PACRGL: variants seen among roughly 807,000 people sequenced by gnomAD.
The protein encoded by PACRGL is PACRG-like protein.
Under a neutral mutation model 34.5 loss-of-function variants are expected in PACRGL, and 38 were observed. That is an observed-to-expected ratio of 1.10 (90% CI 0.85 to 1.44). The LOEUF is 1.44. Among genes scored for constraint, PACRGL ranks in the 40% most tolerant of loss-of-function variants. The pLI is 0.00. For synonymous variants in PACRGL, 128 were observed against 100.1 expected (o/e 1.28, Z -1.66); for missense variants, 305 against 281.4 (o/e 1.08, Z -0.60).
At position 20,728,606 on chromosome 4, in the gene PACRGL, TAG is replaced by T. The variant is rs1746744132; in HGVS notation, c.*1268_*1269del. The T allele has an allele frequency of 6.6e-6, 1 of 152,604 alleles. No individual in the cohort carries two copies. Among genetic ancestry groups the T allele is most frequent in the South Asian group, 2.1e-4 (1 of 4,836 alleles). 9.5% of individuals were successfully genotyped at this position (152,604 alleles called of 1,614,324 possible). ...TGGAAAAGACCTGTAACATAGACAG[TAG>T]AGTTATAAACATTTTATTTTGCTTT... On this transcript the variant is annotated 3_prime_UTR_variant, in exon 9 of 9. Transcript: ENST00000503585.
chr4:20,737,457 T>C (rs552667460), downstream of PACRGL, among the ~76,000 whole-genome samples: 4 of 152,278 alleles, frequency 2.6e-5, no homozygotes, highest in African/African-American at 7.2e-5. Context: ...AGAAATGGGC[T>C]GTGCTCTTGA....
intron 7 of PACRGL, among the ~76,000 whole-genome samples, chr4:20,714,048 A>G (rs2149108763): frequency 6.6e-6 from 1 of 152,148 alleles, no homozygotes; most frequent in South Asian, 2.1e-4. Flanking sequence ...ATTCCTGGGT[A>G]TCCTTGTTAA....
chr4:20,705,981 A>G (rs1482953618), intron 3 of PACRGL, among the ~76,000 whole-genome samples: 2 of 150,590 alleles, frequency 1.3e-5, no homozygotes, highest in Non-Finnish European at 2.9e-5. Flanking sequence ...CACTATTGTG[A>G]TTTATGCACA....
intron 4 of PACRGL, 77 bp downstream of exon 4, chr4:20,707,947 T>A (rs1735312375): frequency 1.8e-6 from 2 of 1,142,000 alleles, no homozygotes; most frequent in Non-Finnish European, 2.6e-6. Context: ...TTAGTTTAAA[T>A]GTATTGTAAG....
chr4:20,698,931 T>G (rs923793413), upstream of PACRGL, among the ~76,000 whole-genome samples: 2 of 152,172 alleles, frequency 1.3e-5, no homozygotes, highest in African/African-American at 4.8e-5. Flanking sequence ...AACCCAATAA[T>G]GAAGAGGAAA....
chr4:20,765,078 G>A, the PACRGL span, among the ~76,000 whole-genome samples: 2 of 152,160 alleles, frequency 1.3e-5, no homozygotes, highest in Admixed American at 6.6e-5. Flanking sequence ...TATTCAATAA[G>A]TAGTTATTTA....
Position 20,731,709 on chromosome 4 carries a change from CAT to C in PACRGL, c.*4369_*4370del. On this transcript the variant is annotated 3_prime_UTR_variant, in exon 9 of 9. Transcript: ENST00000503585. ...TTTTGGCAAAGAGCAATTCAAATCT[CAT>C]GTATGTTTTATCCTCCATGAATACT... is the stretch of plus-strand genomic sequence containing the variant. 6 of 985,254 alleles carry C rather than the reference CAT, an allele frequency of 6.1e-6. No homozygotes were observed. Among genetic ancestry groups the C allele is most frequent in the Non-Finnish European group, 7.2e-6 (6 of 829,806 alleles). 61.0% of individuals were successfully genotyped at this position (985,254 alleles called of 1,614,324 possible).
intron 8 of PACRGL, among the ~76,000 whole-genome samples, chr4:20,752,398 G>A (rs528460149): frequency 6.6e-6 from 1 of 152,200 alleles, no homozygotes; most frequent in East Asian, 1.9e-4. Flanking sequence ...GACACTATTT[G>A]CAAAGTGTTT....
chr4:20,712,251 T>C (rs1476756566), intron 5 of PACRGL, among the ~76,000 whole-genome samples: 1 of 151,460 alleles, frequency 6.6e-6, no homozygotes, highest in East Asian at 1.9e-4. Flanking sequence ...TTTTCCTTTT[T>C]CTTATTTTTT....
chr4:20,700,533 CG>C lies in PACRGL; in HGVS notation c.-269del. The C allele has an allele frequency of 6.6e-6, 1 of 152,272 alleles. No individual in the cohort carries two copies. Among genetic ancestry groups the C allele is most frequent in the South Asian group, 2.1e-4 (1 of 4,820 alleles). The allele number at this position is 152,272 out of a possible 1,614,324, so 9.4% of individuals were successfully genotyped here. A position where few individuals can be genotyped will look rare whatever the true frequency, so the allele number is the denominator to read the frequency against. On this transcript the variant is annotated 5_prime_UTR_variant, in exon 1 of 9. Transcript: ENST00000503585. ...CCGAGTGCCGGTCATAAGCCCCCCCCGGTGGGGGGCAGCTGGTGTGCGGATC... is the reference window on the plus strand; with the variant it reads ...CCGAGTGCCGGTCATAAGCCCCCCCCGTGGGGGGCAGCTGGTGTGCGGATC...
chr4:20,710,261 A>G (rs1430266793), intron 5 of PACRGL, among the ~76,000 whole-genome samples: 2 of 152,090 alleles, frequency 1.3e-5, no homozygotes, highest in African/African-American at 2.4e-5. Context: ...AATATCATGG[A>G]GGTGGTTTTA....
intron 8 of PACRGL, among the ~76,000 whole-genome samples, chr4:20,726,188 G>A (rs1239165252): frequency 3.3e-5 from 5 of 152,006 alleles, no homozygotes; most frequent in African/African-American, 1.2e-4. Flanking sequence ...GGAGGAGATA[G>A]TATATGTGTA....
the PACRGL span, among the ~76,000 whole-genome samples, chr4:20,764,681 GAC>G: frequency 6.9e-3 from 1,021 of 147,124 alleles, 4 homozygotes; most frequent in Non-Finnish European, 0.011. Context: ...ATGGGAATTG[GAC>G]ACACACACAC....
chr4:20,762,431 A>G, the PACRGL span, among the ~76,000 whole-genome samples: 1 of 152,218 alleles, frequency 6.6e-6, no homozygotes, highest in African/African-American at 2.4e-5. Context: ...AAGAATGATG[A>G]TCTTTTATTT....
chr4:20,702,520 C>T lies in PACRGL; in HGVS notation c.-17+1733C>T, dbSNP rs1274579226. 6.2e-5 allele frequency: 11 copies of T among 178,138 alleles called. No individual in the cohort carries two copies. The South Asian group carries it at 1.1e-3, about 18-fold the overall frequency. 11.0% of individuals were successfully genotyped at this position (178,138 alleles called of 1,614,324 possible). On this transcript the variant is annotated intron_variant, in intron 1 of 8. Transcript: ENST00000503585. Reference sequence around the variant, plus strand: ...ATAGCTAAGACTCATGTGGCCCTTACTGCATGCCTCCCATTATGGAAATGT... The same window carrying T: ...ATAGCTAAGACTCATGTGGCCCTTATTGCATGCCTCCCATTATGGAAATGT...
At chr4:20,717,152 T>A (rs572985756) in intron 7 of PACRGL, among the ~76,000 whole-genome samples, 21 of 152,382 alleles carry the variant, frequency 1.4e-4, no homozygotes, top group African/African-American at 5.0e-4. Context: ...TGTCTGTTCG[T>A]ATCCTTCACC....
intron 3 of PACRGL, among the ~76,000 whole-genome samples, chr4:20,705,496 G>A (rs1169130681): frequency 6.6e-6 from 1 of 152,094 alleles, no homozygotes; most frequent in Non-Finnish European, 1.5e-5. Context: ...CAAGACAGAA[G>A]GAGTGTCCGA....
At chr4:20,721,193 T>C (rs1451679683) in intron 7 of PACRGL, among the ~76,000 whole-genome samples, 1 of 152,180 alleles carries the variant, frequency 6.6e-6, no homozygotes, top group African/African-American at 2.4e-5. Context: ...TTTAAGGTCC[T>C]CTCTACACTG....
At chr4:20,764,708 A>T in the PACRGL span, among the ~76,000 whole-genome samples, 1 of 150,756 alleles carries the variant, frequency 6.6e-6, no homozygotes, top group Non-Finnish European at 1.5e-5. Context: ...ACACACACAC[A>T]ACCCCATGAA....
Sources: allele counts gnomAD v4.1 joint callset (sites outside exome capture counted in the v4.1 genomes callset), GRCh38; gene constraint gnomAD v4.1.1; transcripts MANE v1.5; gene names NCBI Gene and HGNC (gene_info 2026-07-23, HGNC 2026-07-21).